Variants in PARVA observed in about 807,000 individuals in gnomAD.
PARVA encodes parvin alpha.
Under a neutral mutation model 52.6 loss-of-function variants are expected in PARVA, and 25 were observed. The ratio of observed to expected loss-of-function variants is 0.48; its 90% confidence interval spans 0.35 to 0.66. PARVA has a LOEUF of 0.66. Among genes scored for constraint, PARVA ranks in the 30% least tolerant of loss-of-function variants. The pLI is 0.01. For missense variants in PARVA, 373 were observed against 450.9 expected (o/e 0.83, Z 1.56); for synonymous variants, 185 against 179.1 (o/e 1.03, Z -0.26).
intron 1 of PARVA, among the ~76,000 whole-genome samples, chr11:12,458,792 G>A (rs1018759567): frequency 6.6e-6 from 1 of 152,042 alleles, no homozygotes; most frequent in African/African-American, 2.4e-5. Flanking sequence ...GCCTGGAAGT[G>A]TGGAGAGAGA....
At chr11:12,430,905 G>A (rs561492815) in intron 1 of PARVA, among the ~76,000 whole-genome samples, 2 of 152,286 alleles carry the variant, frequency 1.3e-5, no homozygotes, top group Admixed American at 6.5e-5. Flanking sequence ...AAAGAGACAC[G>A]ATTCCTAATC....
At chr11:12,405,762 G>C (rs983838749) in intron 1 of PARVA, among the ~76,000 whole-genome samples, 2 of 152,098 alleles carry the variant, frequency 1.3e-5, no homozygotes, top group African/African-American at 4.8e-5. Flanking sequence ...TTTGAGACCA[G>C]CCTGGCCAAC....
At chr11:12,450,259 C>G (rs961936740) in intron 1 of PARVA, among the ~76,000 whole-genome samples, 17 of 152,180 alleles carry the variant, frequency 1.1e-4, no homozygotes, top group African/African-American at 2.7e-4. Flanking sequence ...TGCCGCCACC[C>G]CATGGAATAG....
chr11:12,496,215 C>T (rs373422157), intron 4 of PARVA, among the ~76,000 whole-genome samples: 4 of 152,128 alleles, frequency 2.6e-5, no homozygotes, highest in Non-Finnish European at 5.9e-5. Context: ...AGGTTAAATG[C>T]CCCTGGGATC....
chr11:12,491,587 G>A (rs1032437885), intron 4 of PARVA, among the ~76,000 whole-genome samples: 1 of 152,100 alleles, frequency 6.6e-6, no homozygotes, highest in Non-Finnish European at 1.5e-5. Flanking sequence ...ATACAAAATA[G>A]ACTTTAAGGC....
At chr11:12,490,543 A>G (rs1941223182) in intron 4 of PARVA, among the ~76,000 whole-genome samples, 2 of 151,930 alleles carry the variant, frequency 1.3e-5, no homozygotes, top group South Asian at 4.1e-4. Context: ...AGAGAGAGAA[A>G]ATAAAGGCAT....
chr11:12,469,147 A>G (rs1940896453), intron 1 of PARVA, among the ~76,000 whole-genome samples: 1 of 152,200 alleles, frequency 6.6e-6, no homozygotes, highest in African/African-American at 2.4e-5. Context: ...ACCGAAGTTC[A>G]AGGAGGTTAA....
chr11:12,508,365 T>C (rs1487923662), intron 6 of PARVA, among the ~76,000 whole-genome samples: 1 of 152,198 alleles, frequency 6.6e-6, no homozygotes, highest in Admixed American at 6.5e-5. Flanking sequence ...AACAGCCTAC[T>C]TGTTTGGACT....
chr11:12,487,795 G>A (rs890826372), intron 4 of PARVA, among the ~76,000 whole-genome samples: 2 of 152,134 alleles, frequency 1.3e-5, no homozygotes, highest in Non-Finnish European at 2.9e-5. Context: ...AAAAAGGCAT[G>A]GTAGAGAACG....
chr11:12,461,024 C>T (rs1414282118), intron 1 of PARVA, among the ~76,000 whole-genome samples: 1 of 152,054 alleles, frequency 6.6e-6, no homozygotes, highest in African/African-American at 2.4e-5. Flanking sequence ...GATGCAGCGT[C>T]CCCCCCTCTC....
chr11:12,514,156 T>C, intron 10 of PARVA, 91 bp downstream of exon 10: 1 of 966,656 alleles, frequency 1.0e-6, no homozygotes, highest in Non-Finnish European at 1.7e-6. Flanking sequence ...AGGAGGGCTT[T>C]CCCAGCTGAG....
chr11:12,514,138 A>C, intron 10 of PARVA, 73 bp downstream of exon 10: 1 of 1,228,030 alleles, frequency 8.1e-7, no homozygotes, highest in Non-Finnish European at 1.2e-6. Flanking sequence ...GGCCCACCAC[A>C]CTTGGCCAGG....
intron 1 of PARVA, among the ~76,000 whole-genome samples, chr11:12,443,169 C>CTGTTTTT (rs1940492961): frequency 1.3e-5 from 1 of 78,328 alleles, no homozygotes; most frequent in Non-Finnish European, 2.3e-5. Context: ...CGCCCCCCTT[C>CTGTTTTT]TTTTTTTTTT....
Position 12,525,373 on chromosome 11 carries a change from A to G in PARVA, c.1043-2476A>G, listed in dbSNP as rs76555055. Among the ~76,000 whole-genome samples, 1,006 of 152,216 alleles carry G rather than the reference A, an allele frequency of 6.6e-3. 15 individuals carry two copies. Among genetic ancestry groups the G allele is most frequent in the African/African-American group, 0.022 (924 of 41,544 alleles). On this transcript the variant is annotated intron_variant, in intron 12 of 12. Coordinates refer to ENST00000334956, the MANE Select transcript of PARVA (RefSeq NM_018222.5). The stretch of plus-strand genomic sequence containing the variant: ...GCACAGCCATGCCTGGAGGCCTATC[A>G]TAGTCTGGCTCCAGTAGGTAGAATG...
chr11:12,419,753 T>G (rs1940120721), intron 1 of PARVA, among the ~76,000 whole-genome samples: 1 of 152,152 alleles, frequency 6.6e-6, no homozygotes, highest in Non-Finnish European at 1.5e-5. Context: ...GGTTCCAGTT[T>G]CCCAACATCC....
At chr11:12,406,214 T>G (rs937494381) in intron 1 of PARVA, among the ~76,000 whole-genome samples, 11 of 152,224 alleles carry the variant, frequency 7.2e-5, no homozygotes, top group African/African-American at 2.7e-4. Flanking sequence ...GGCTGGAAAT[T>G]CAGGCAGGAA....
chr11:12,425,027 A>G (rs1489549125), intron 1 of PARVA, among the ~76,000 whole-genome samples: 3 of 152,148 alleles, frequency 2.0e-5, no homozygotes, highest in East Asian at 1.9e-4. Flanking sequence ...CCCTCTTTCA[A>G]TTGGTGTTGT....
At chr11:12,507,181 G>A (rs1277717295) in intron 6 of PARVA, among the ~76,000 whole-genome samples, 1 of 152,006 alleles carries the variant, frequency 6.6e-6, no homozygotes, top group Non-Finnish European at 1.5e-5. Context: ...AAGGACTCTG[G>A]GTTCTGTGGA....
chr11:12,527,152 C>T (rs533439100), intron 12 of PARVA, among the ~76,000 whole-genome samples: 1 of 152,208 alleles, frequency 6.6e-6, no homozygotes, highest in African/African-American at 2.4e-5. Flanking sequence ...ATACACTAAA[C>T]TTTCCACATG....
Sources: allele counts gnomAD v4.1 joint callset (sites outside exome capture counted in the v4.1 genomes callset), GRCh38; gene constraint gnomAD v4.1.1; transcripts MANE v1.5; gene names NCBI Gene and HGNC (gene_info 2026-07-23, HGNC 2026-07-21).